Variants in CDH13 observed in about 807,000 individuals in gnomAD.
CDH13 encodes the protein cadherin-13.
CDH13 carries 24 observed loss-of-function variants against 63.8 expected under a neutral mutation model. The observed-to-expected ratio is 0.38, with a 90% confidence interval of 0.27 to 0.53. CDH13 has a LOEUF of 0.53. Among genes scored for constraint, CDH13 ranks in the 20% least tolerant of loss-of-function variants. CDH13 has a pLI of 0.85. For missense variants in CDH13, 1,049 were observed against 903.1 expected, an observed-to-expected ratio of 1.16 and a Z score of -2.07; for synonymous variants, 503 against 355.3, an observed-to-expected ratio of 1.42 and a Z score of -4.67.
chr16:83,457,159 G>A (rs76688876), intron 6 of CDH13, among the ~76,000 whole-genome samples: 4,313 of 152,246 alleles, frequency 0.028, 206 homozygotes, highest in African/African-American at 0.1. Flanking sequence ...GTATGACCTT[G>A]GCGAGCTCCG....
chr16:82,940,697 C>T (rs1466885881), intron 2 of CDH13, among the ~76,000 whole-genome samples: 2 of 152,126 alleles, frequency 1.3e-5, no homozygotes, highest in African/African-American at 4.8e-5. Context: ...CATACTGTGG[C>T]CACTTGATTA....
At chr16:83,028,302 G>A (rs1916003087) in intron 2 of CDH13, among the ~76,000 whole-genome samples, 1 of 152,176 alleles carries the variant, frequency 6.6e-6, no homozygotes, top group African/African-American at 2.4e-5. Context: ...AATTCATCTG[G>A]GCTACCAACA....
chr16:83,757,922 A>G (rs1224569346), intron 11 of CDH13, among the ~76,000 whole-genome samples: 1 of 151,528 alleles, frequency 6.6e-6, no homozygotes, highest in African/African-American at 2.4e-5. Flanking sequence ...GAGGCCAGGA[A>G]TTTGAGACCA....
intron 3 of CDH13, among the ~76,000 whole-genome samples, chr16:83,076,274 T>A (rs1015783747): frequency 3.9e-5 from 6 of 152,180 alleles, no homozygotes; most frequent in African/African-American, 1.4e-4. Context: ...AAATGTTCCA[T>A]GTAAAACTAG....
At chr16:82,652,123 A>G (rs890826020) in intron 1 of CDH13, among the ~76,000 whole-genome samples, 12 of 152,234 alleles carry the variant, frequency 7.9e-5, no homozygotes, top group African/African-American at 2.7e-4. Context: ...GAACGTCACT[A>G]GCATCCGAGG....
intron 3 of CDH13, among the ~76,000 whole-genome samples, chr16:83,051,942 T>G (rs12447361): frequency 0.12 from 18,524 of 152,142 alleles, 1,618 homozygotes; most frequent in African/African-American, 0.24. Context: ...TAATTTTTTT[T>G]TTGTTGTTAA....
intron 2 of CDH13, among the ~76,000 whole-genome samples, chr16:82,901,165 A>G (rs974016190): frequency 5.9e-5 from 9 of 152,198 alleles, no homozygotes; most frequent in African/African-American, 2.2e-4. Flanking sequence ...CGTACAGAAG[A>G]AAAAGGTTGT....
At chr16:83,255,067 G>A (rs989014474) in intron 5 of CDH13, among the ~76,000 whole-genome samples, 3 of 139,852 alleles carry the variant, frequency 2.1e-5, no homozygotes. Flanking sequence ...TGCCCAAGGT[G>A]TCTGTGACAG....
At chr16:83,773,978 G>T (rs1482452468) in intron 11 of CDH13, among the ~76,000 whole-genome samples, 1 of 152,084 alleles carries the variant, frequency 6.6e-6, no homozygotes, top group Non-Finnish European at 1.5e-5. Context: ...GGAAGACGAG[G>T]CCTCAGCTCT....
In CDH13 at chr16:82,752,911, A is replaced by G. The variant is rs572190422; in HGVS notation, c.46-105451A>G. Among the ~76,000 whole-genome samples the G allele has an allele frequency of 6.6e-5, 10 of 152,376 alleles. No individual in the cohort carries two copies. The South Asian group carries it at 1.7e-3, about 25-fold the overall frequency. ...TACCCCATTATGTAGTACTTCTGCC[A>G]TGCAGATATAATAGATAAATAATCT... On this transcript the variant is annotated intron_variant, in intron 1 of 13. Coordinates refer to ENST00000567109, the MANE Select transcript of CDH13 (RefSeq NM_001257.5).
In CDH13 at chr16:83,606,069, A is replaced by G. The variant is rs771464619; in HGVS notation, c.1101+3475A>G. 3.9e-5 allele frequency among the ~76,000 whole-genome samples: 6 copies of G among 152,196 alleles called. 1 individual carries two copies. The highest frequency in any genetic ancestry group is 8.8e-5 in the Non-Finnish European group (6 of 68,036). ...GGTAGGAAAACAGGATGCCCTAGAA[A>G]CAGAGAGGAAAGATGGGGCTTATGA... On this transcript the variant is annotated intron_variant, in intron 8 of 13. Transcript: ENST00000567109.
intron 2 of CDH13, among the ~76,000 whole-genome samples, chr16:83,030,640 TA>T (rs35207887): frequency 0.078 from 7,190 of 92,754 alleles, 287 homozygotes; most frequent in Non-Finnish European, 0.1. Flanking sequence ...AAGACTCTGT[TA>T]AAAAAAAAAA....
chr16:83,131,271 A>C (rs978886065), intron 4 of CDH13, among the ~76,000 whole-genome samples: 4 of 134,692 alleles, frequency 3.0e-5, no homozygotes, highest in Non-Finnish European at 4.6e-5. Flanking sequence ...TTTGCCTCCT[A>C]ATTTCTGGCT....
At chr16:83,619,309 C>A (rs1909587154) in intron 8 of CDH13, among the ~76,000 whole-genome samples, 1 of 152,200 alleles carries the variant, frequency 6.6e-6, no homozygotes, top group Non-Finnish European at 1.5e-5. Context: ...TCCTGAATGA[C>A]CCCTCATGAT....
intron 7 of CDH13, among the ~76,000 whole-genome samples, chr16:83,522,259 A>G (rs142660898): frequency 6.6e-5 from 10 of 152,372 alleles, no homozygotes; most frequent in African/African-American, 2.4e-4. Context: ...CGGGTCCATT[A>G]TAATGGATCA....
At chr16:82,763,754 C>G (rs2034943537) in intron 1 of CDH13, among the ~76,000 whole-genome samples, 1 of 152,218 alleles carries the variant, frequency 6.6e-6, no homozygotes, top group South Asian at 2.1e-4. Flanking sequence ...GCGATCACAG[C>G]TCACTGCAGC....
intron 1 of CDH13, among the ~76,000 whole-genome samples, chr16:82,683,709 C>G (rs934548386): frequency 1.3e-5 from 2 of 152,162 alleles, no homozygotes; most frequent in Non-Finnish European, 2.9e-5. Flanking sequence ...TCCTATTCAC[C>G]AAGCTATCCA....
chr16:82,731,540 C>G (rs777170566), intron 1 of CDH13, among the ~76,000 whole-genome samples: 3 of 152,184 alleles, frequency 2.0e-5, no homozygotes, highest in Non-Finnish European at 2.9e-5. Context: ...AGAAGCTGCT[C>G]AAGACATTGA....
At chr16:83,723,800 C>T (rs1356246675) in intron 10 of CDH13, among the ~76,000 whole-genome samples, 3 of 149,426 alleles carry the variant, frequency 2.0e-5, no homozygotes, top group African/African-American at 4.8e-5. Flanking sequence ...GAATGTCTGA[C>T]ATATAATAGC....
Sources: allele counts gnomAD v4.1 joint callset (sites outside exome capture counted in the v4.1 genomes callset), GRCh38; gene constraint gnomAD v4.1.1; transcripts MANE v1.5; gene names NCBI Gene and HGNC (gene_info 2026-07-23, HGNC 2026-07-21).